The following RAB5B variants were observed in gnomAD, a reference collection of about 807,000 sequenced individuals.
The protein encoded by RAB5B is RAB5B, member RAS oncogene family, also known as ras-related protein Rab-5B.
A neutral mutation model predicts 28.6 loss-of-function variants in RAB5B; 11 were observed. That is an observed-to-expected ratio of 0.38 (90% confidence interval 0.24 to 0.64). RAB5B has a LOEUF of 0.64. Among genes scored for constraint, RAB5B ranks in the 30% least tolerant of loss-of-function variants. The pLI is 0.53. For synonymous variants in RAB5B, 93 were observed against 97.9 expected (o/e 0.95, Z 0.29); for missense variants, 169 against 265.6 (o/e 0.64, Z 2.53).
intron 1 of RAB5B, among the ~76,000 whole-genome samples, chr12:55,984,717 T>G (rs1370454598): frequency 6.6e-6 from 1 of 152,042 alleles, no homozygotes; most frequent in East Asian, 1.9e-4. Context: ...TGACCTCAGG[T>G]GATCCACCTC....
intron 2 of RAB5B, among the ~76,000 whole-genome samples, 157 bp from the exon 3 acceptor site, chr12:55,989,790 C>T (rs1890054563): frequency 6.6e-6 from 1 of 152,202 alleles, no homozygotes; most frequent in African/African-American, 2.4e-5. Context: ...GGTTTCAAGA[C>T]TTACATGTAA....
rs1324061578 is a variant in RAB5B at position 55,989,942 on chromosome 12, C to T, written c.164-5C>T. 2 of 1,609,840 alleles carry T rather than the reference C, an allele frequency of 1.2e-6. No individual in the cohort carries two copies. Among genetic ancestry groups the T allele is most frequent in the South Asian group, 2.2e-5 (2 of 90,994 alleles). On this transcript the variant is annotated splice_region_variant and splice_polypyrimidine_tract_variant and intron_variant, in intron 2 of 5. Transcript: ENST00000360299. ...GCATCTTCCCCTCCATTCTCTCATC[C>T]ATAGCGGCCTTCCTCACCCAGTCCG...
intron 1 of RAB5B, among the ~76,000 whole-genome samples, chr12:55,979,045 T>G (rs1044455562): frequency 7.9e-5 from 12 of 152,094 alleles, no homozygotes; most frequent in African/African-American, 2.9e-4. Flanking sequence ...AGTGCTGGGA[T>G]TACAGGTGTG....
At chr12:55,989,896 C>G in intron 2 of RAB5B, 51 bp from the exon 3 acceptor site, 1 of 1,553,184 alleles carries the variant, frequency 6.4e-7, no homozygotes. Context: ...AGGGATGTTC[C>G]CATTCATCCT....
intron 1 of RAB5B, chr12:55,979,621 G>A (rs578155176): frequency 6.6e-6 from 1 of 152,272 alleles, no homozygotes; most frequent in South Asian, 2.1e-4. Flanking sequence ...GGCAGGGTTT[G>A]GTCATAGACC....
chr12:55,990,541 C>A (rs1056716179), intron 3 of RAB5B, 141 bp from the exon 4 acceptor site: 2 of 1,147,402 alleles, frequency 1.7e-6, no homozygotes, highest in East Asian at 2.4e-5. Context: ...GCTAAGAAGA[C>A]AGATAATGAA....
At chr12:55,988,035 G>T (rs1285175980) in intron 2 of RAB5B, among the ~76,000 whole-genome samples, 4 of 152,062 alleles carry the variant, frequency 2.6e-5, no homozygotes, top group Non-Finnish European at 5.9e-5. Context: ...TATAATTCCA[G>T]CTACTCAGGA....
In RAB5B at chr12:55,989,973, C is replaced by T; in HGVS notation, c.190C>T (p.Leu64=). 1 of 1,613,626 alleles carries T rather than the reference C, an allele frequency of 6.2e-7. No individual in the cohort carries two copies. The highest frequency in any genetic ancestry group is 1.1e-5 in the South Asian group (1 of 91,076). The change falls in exon 3 of 6, where the codon CTA becomes TTA. Residue 64 remains leucine (L), a synonymous_variant. Coordinates refer to ENST00000360299, the MANE Select transcript of RAB5B (RefSeq NM_002868.4). ...GAAFLTQSVC[L]DDTTVKFEIW... ...GGCCTTCCTCACCCAGTCCGTTTGT[C>T]TAGATGACACAACAGTGAAGTTTGA... is the stretch of plus-strand genomic sequence containing the variant.
rs1890156566 is a variant in RAB5B, at chr12:55,992,300, G to A, written c.*88G>A. ...CTACCCCTCAGCACACAACCCCTAC[G>A]GTAACAGCACACTGAGCCCTGGCTC... On this transcript the variant is annotated 3_prime_UTR_variant, in exon 6 of 6. Transcript: ENST00000360299. The A allele has an allele frequency of 7.9e-6, 9 of 1,137,010 alleles. No homozygotes were observed. Among genetic ancestry groups the A allele is most frequent in the Admixed American group, 4.2e-5 (2 of 47,782 alleles). 70.4% of individuals were successfully genotyped at this position (1,137,010 alleles called of 1,614,324 possible).
In RAB5B at chr12:55,992,886, A is replaced by T; in HGVS notation, c.*674A>T. 3.9e-6 allele frequency: 1 copy of T among 253,714 alleles called. No homozygotes were observed. The highest frequency in any genetic ancestry group is 7.6e-6 in the Non-Finnish European group (1 of 131,832). 15.7% of individuals were successfully genotyped at this position (253,714 alleles called of 1,614,324 possible). A position where few individuals can be genotyped will look rare whatever the true frequency, so the allele number is the denominator to read the frequency against. ...AGGCACCAGGCAGGAGGTGCCTTGT[A>T]AGCTAACTGGGCGGAGGTGGAGGTG... On this transcript the variant is annotated 3_prime_UTR_variant, in exon 6 of 6. Transcript: ENST00000360299.
intron 5 of RAB5B, chr12:55,991,793 GGCGCACACCTGTA>G (rs1890131688): frequency 4.9e-6 from 2 of 410,740 alleles, no homozygotes; most frequent in Admixed American, 3.9e-5. Context: ...TGGGCGTGGT[GGCGCACACCTGTA>G]GTCCCAGCTA....
chr12:55,980,401 T>G (rs1262516593), intron 1 of RAB5B: 2 of 1,540,900 alleles, frequency 1.3e-6, no homozygotes, highest in East Asian at 2.2e-5. Context: ...GCTTCCGGGG[T>G]GGGGAGGCAA....
In RAB5B at chr12:55,992,288, C is replaced by T; in HGVS notation, c.*76C>T. ...TAACCTCCATCCCTACCCCTCAGCACACAACCCCTACGGTAACAGCACACT... is the reference window on the plus strand; with the variant it reads ...TAACCTCCATCCCTACCCCTCAGCATACAACCCCTACGGTAACAGCACACT... On this transcript the variant is annotated 3_prime_UTR_variant, in exon 6 of 6. Coordinates refer to ENST00000360299, the MANE Select transcript of RAB5B (RefSeq NM_002868.4). 1.6e-6 allele frequency: 2 copies of T among 1,257,556 alleles called. No homozygotes were observed. The highest frequency in any genetic ancestry group is 1.3e-5 in the South Asian group (1 of 79,852). The allele number at this position is 1,257,556 out of a possible 1,614,324, so 77.9% of individuals were successfully genotyped here. A position where few individuals can be genotyped will look rare whatever the true frequency, so the allele number is the denominator to read the frequency against.
chr12:55,974,474 G>C (rs1263646183), intron 1 of RAB5B, among the ~76,000 whole-genome samples: 1 of 152,216 alleles, frequency 6.6e-6, no homozygotes, highest in African/African-American at 2.4e-5. Flanking sequence ...GAAAGGAACA[G>C]GGCAGCGGGT....
chr12:55,991,352 C>T lies in RAB5B; in HGVS notation c.439-8C>T. 1.2e-6 allele frequency: 2 copies of T among 1,608,808 alleles called. No homozygotes were observed. Among genetic ancestry groups the T allele is most frequent in the Non-Finnish European group, 1.7e-6 (2 of 1,175,280 alleles). On this transcript the variant is annotated splice_region_variant and splice_polypyrimidine_tract_variant and intron_variant, in intron 4 of 5. Transcript: ENST00000360299. ...ATTCTGAGCACTAATACATCCCACT[C>T]CTTGCAGGAGGCCCAGGCATATGCA...
intron 1 of RAB5B, among the ~76,000 whole-genome samples, chr12:55,983,578 C>G (rs1592798967): frequency 6.6e-6 from 1 of 151,562 alleles, no homozygotes; most frequent in East Asian, 1.9e-4. Flanking sequence ...CTGTATTAAT[C>G]TAGTCTACTT....
In RAB5B at chr12:55,995,997, A is replaced by ATTTTT. The variant is rs1432681953; in HGVS notation, c.*3786_*3787insTTTTT. ...CATATATATATACATATATATATAT[A>ATTTTT]TATATATTTTTTTTTTAACAACTGG... On this transcript the variant is annotated 3_prime_UTR_variant, in exon 6 of 6. Transcript: ENST00000360299. 8 of 100,442 alleles carry ATTTTT rather than the reference A, an allele frequency of 8.0e-5. No individual in the cohort carries two copies. Among genetic ancestry groups the ATTTTT allele is most frequent in the African/African-American group, 2.1e-4 (4 of 19,290 alleles). The allele number at this position is 100,442 out of a possible 1,614,324, so 6.2% of individuals were successfully genotyped here.
intron 2 of RAB5B, 31 bp downstream of exon 2, chr12:55,987,154 T>C (rs1454736107): frequency 2.5e-6 from 4 of 1,570,606 alleles, no homozygotes; most frequent in Non-Finnish European, 3.5e-6. Context: ...GGAGATTGAA[T>C]GTTTGGTAAG....
chr12:55,979,565 G>C (rs1889741614), intron 1 of RAB5B: 1 of 152,202 alleles, frequency 6.6e-6, no homozygotes, highest in South Asian at 2.1e-4. Context: ...GTTACCGCTT[G>C]TTTTCCTATT....
Sources: allele counts gnomAD v4.1 joint callset (sites outside exome capture counted in the v4.1 genomes callset), GRCh38; gene constraint gnomAD v4.1.1; transcripts MANE v1.5; gene names NCBI Gene and HGNC (gene_info 2026-07-23, HGNC 2026-07-21).